The following TTC28 variants were observed in gnomAD, a reference collection of about 807,000 sequenced individuals.
TTC28 encodes tetratricopeptide repeat domain 28, also known as tetratricopeptide repeat protein 28.
Under a neutral mutation model 198.0 loss-of-function variants are expected in TTC28, and 61 were observed. That is an observed-to-expected ratio of 0.31 (90% CI 0.25 to 0.38). TTC28 has a LOEUF of 0.38. Among genes scored for constraint, TTC28 ranks in the 10% least tolerant of loss-of-function variants. The pLI, the probability that TTC28 is intolerant of heterozygous loss-of-function variation, is 1.00. For synonymous variants in TTC28, 1,171 were observed against 1,297.8 expected (o/e 0.90, Z 2.10); for missense variants, 2,678 against 3,164.0 (o/e 0.85, Z 3.69).
At chr22:28,142,625 G>A (rs1440900957) in intron 6 of TTC28, among the ~76,000 whole-genome samples, 1 of 152,102 alleles carries the variant, frequency 6.6e-6, no homozygotes, top group East Asian at 1.9e-4. Context: ...CAGAGCCTCA[G>A]CAAAAGAGCT....
At chr22:28,646,133 T>C (rs1010772391) in intron 1 of TTC28, among the ~76,000 whole-genome samples, 1 of 152,080 alleles carries the variant, frequency 6.6e-6, no homozygotes, top group African/African-American at 2.4e-5. Context: ...GGTCAAGCTG[T>C]CTCTGCCGAT....
intron 2 of TTC28, among the ~76,000 whole-genome samples, chr22:28,587,768 T>G (rs2050343558): frequency 6.6e-6 from 1 of 152,094 alleles, no homozygotes; most frequent in Non-Finnish European, 1.5e-5. Flanking sequence ...AATTAATACA[T>G]TCAAAGTCAA....
chr22:28,247,497 CT>C (rs138031430), intron 5 of TTC28, among the ~76,000 whole-genome samples: 9,412 of 152,246 alleles, frequency 0.062, 461 homozygotes, highest in African/African-American at 0.13. Context: ...GTAGTCGAGC[CT>C]TTAGGCTGCT....
At chr22:28,412,836 G>A (rs1037879114) in intron 2 of TTC28, among the ~76,000 whole-genome samples, 1 of 152,166 alleles carries the variant, frequency 6.6e-6, no homozygotes. Context: ...TAAAACAGTG[G>A]TAGGCAAACT....
At chr22:28,353,315 G>A (rs758038502) in intron 2 of TTC28, among the ~76,000 whole-genome samples, 1 of 152,034 alleles carries the variant, frequency 6.6e-6, no homozygotes, top group Non-Finnish European at 1.5e-5. Context: ...ATGAATGTAT[G>A]TATAAAAAGT....
At chr22:28,262,100 TC>T (rs1931361934) in intron 5 of TTC28, among the ~76,000 whole-genome samples, 1 of 152,076 alleles carries the variant, frequency 6.6e-6, no homozygotes, top group Non-Finnish European at 1.5e-5. Flanking sequence ...TCTCTGTCTC[TC>T]CAGTGACATA....
intron 12 of TTC28, among the ~76,000 whole-genome samples, chr22:28,038,748 G>T (rs1939473940): frequency 6.6e-6 from 1 of 152,176 alleles, no homozygotes; most frequent in African/African-American, 2.4e-5. Context: ...CAGAATGGGA[G>T]AAAATTTTTG....
At chr22:28,060,683 CA>C (rs1204230733) in intron 12 of TTC28, among the ~76,000 whole-genome samples, 2 of 152,228 alleles carry the variant, frequency 1.3e-5, no homozygotes, top group Non-Finnish European at 2.9e-5. Flanking sequence ...CTGTCTTCCA[CA>C]ATGGTTGAAC....
At chr22:28,244,606 T>C (rs1263101519) in intron 5 of TTC28, among the ~76,000 whole-genome samples, 3 of 152,168 alleles carry the variant, frequency 2.0e-5, no homozygotes, top group South Asian at 2.1e-4. Context: ...CAAATAAGCT[T>C]CAAAAAAGAA....
chr22:28,622,797 G>C lies in TTC28; in HGVS notation c.381+6755C>G, dbSNP rs181920996. ...AATGCAAAGAGTAAGTAGAAGGCTG[G>C]AATGTCTATATTAATATCAGACAAA... is the stretch of plus-strand genomic sequence containing the variant. On this transcript the variant is annotated intron_variant, in intron 2 of 22. Coordinates refer to ENST00000397906, the MANE Select transcript of TTC28 (RefSeq NM_001145418.2). Among the ~76,000 whole-genome samples, 97 of 152,064 alleles carry C rather than the reference G, an allele frequency of 6.4e-4. 1 individual carries two copies. The highest frequency in any genetic ancestry group is 5.2e-3 in the Admixed American group (79 of 15,260).
chr22:28,480,904 A>G lies in TTC28; in HGVS notation c.381+148648T>C, dbSNP rs550136817. ...CACCTCTGACTGTATGTGAGGCCCT[A>G]TTTTTAAGGGGTTTATTATACCAGA... On this transcript the variant is annotated intron_variant, in intron 2 of 22. Transcript: ENST00000397906. Among the ~76,000 whole-genome samples the G allele has an allele frequency of 2.6e-5, 4 of 152,232 alleles. 1 individual carries two copies. In the South Asian group the frequency reaches 8.3e-4, roughly 32 times the overall value.
intron 2 of TTC28, among the ~76,000 whole-genome samples, chr22:28,536,421 G>A (rs2049280029): frequency 1.3e-5 from 2 of 151,556 alleles, no homozygotes; most frequent in East Asian, 2.0e-4. Context: ...TCAGGAGATC[G>A]AGACCATCCT....
At chr22:28,193,047 C>G (rs1005003803) in intron 5 of TTC28, among the ~76,000 whole-genome samples, 13 of 152,144 alleles carry the variant, frequency 8.5e-5, no homozygotes, top group Admixed American at 3.9e-4. Flanking sequence ...AGAGAAAGGT[C>G]GGGTTATCCA....
At chr22:28,271,686 C>A (rs1192840936) in intron 5 of TTC28, among the ~76,000 whole-genome samples, 3 of 152,158 alleles carry the variant, frequency 2.0e-5, no homozygotes, top group African/African-American at 7.2e-5. Flanking sequence ...CTCACTGCAA[C>A]CTCTGCCTCC....
At chr22:28,240,684 C>T (rs1257969934) in intron 5 of TTC28, among the ~76,000 whole-genome samples, 2 of 152,138 alleles carry the variant, frequency 1.3e-5, no homozygotes, top group Non-Finnish European at 2.9e-5. Flanking sequence ...GGAACCAGGG[C>T]TAACTACAGA....
chr22:28,615,686 A>C (rs2050893382), intron 2 of TTC28, among the ~76,000 whole-genome samples: 2 of 151,980 alleles, frequency 1.3e-5, no homozygotes, highest in Non-Finnish European at 2.9e-5. Flanking sequence ...TCAGCAAACT[A>C]ACACAAGGAC....
intron 5 of TTC28, among the ~76,000 whole-genome samples, chr22:28,178,399 G>A (rs544302623): frequency 2.0e-4 from 31 of 152,212 alleles, no homozygotes; most frequent in Admixed American, 1.4e-3. Context: ...TCTGGGAGGC[G>A]GAGGTTGCAG....
chr22:28,403,485 A>G (rs1231372438), intron 2 of TTC28, among the ~76,000 whole-genome samples: 1 of 152,180 alleles, frequency 6.6e-6, no homozygotes, highest in Non-Finnish European at 1.5e-5. Flanking sequence ...ATCTAAAGTC[A>G]AAGTTTTGCT....
At chr22:28,081,235 C>A (rs576359655) in intron 12 of TTC28, among the ~76,000 whole-genome samples, 1 of 151,944 alleles carries the variant, frequency 6.6e-6, no homozygotes, top group Non-Finnish European at 1.5e-5. Context: ...GGCTGGAGTG[C>A]AGTGGCACCA....
Sources: gnomAD v4.1 joint callset for allele counts (sites outside exome capture counted in the v4.1 genomes callset) on GRCh38, gnomAD v4.1.1 for gene constraint, MANE v1.5 for transcripts, NCBI Gene and HGNC (gene_info 2026-07-23, HGNC 2026-07-21) for gene names.